The following SPATA9 variants were observed in gnomAD, a reference collection of about 807,000 sequenced individuals.
SPATA9 encodes spermatogenesis-associated protein 9.
Under a neutral mutation model 25.5 loss-of-function variants are expected in SPATA9, and 27 were observed. That is an observed-to-expected ratio of 1.06 (90% CI 0.78 to 1.46). The LOEUF (loss-of-function observed/expected upper bound fraction) is 1.46, where lower values mean the gene tolerates loss of function less well. Among genes scored for constraint, SPATA9 ranks in the 40% most tolerant of loss-of-function variants. The probability of loss-of-function intolerance (pLI) is 0.00; values close to 1 mark genes in which losing one functional copy is unlikely to be tolerated. For missense variants in SPATA9, 282 were observed against 297.5 expected (o/e 0.95, Z 0.38); for synonymous variants, 102 against 105.7 (o/e 0.97, Z 0.21).
the SPATA9 span, among the ~76,000 whole-genome samples, chr5:95,707,674 T>G: frequency 2.0e-5 from 3 of 152,264 alleles, no homozygotes; most frequent in South Asian, 6.2e-4. Context: ...TGCCACAGTA[T>G]CTTATCAGTT....
At chr5:95,691,448 C>T (rs1211667861) in intron 1 of SPATA9, among the ~76,000 whole-genome samples, 4 of 152,072 alleles carry the variant, frequency 2.6e-5, no homozygotes, top group Non-Finnish European at 4.4e-5. Context: ...TGCTGTCTCA[C>T]GGATCTATTT....
chr5:95,703,060 T>C (rs958522168), upstream of SPATA9, among the ~76,000 whole-genome samples: 3 of 152,252 alleles, frequency 2.0e-5, no homozygotes, highest in Admixed American at 2.0e-4. Flanking sequence ...TGAGTATTAT[T>C]TTCTGTTCTT....
intron 3 of SPATA9, among the ~76,000 whole-genome samples, chr5:95,666,275 G>A (rs1751798505): frequency 6.6e-6 from 1 of 152,124 alleles, no homozygotes. Context: ...CGCTGCCTTG[G>A]GATACACTAC....
the SPATA9 span, among the ~76,000 whole-genome samples, chr5:95,710,670 T>C: frequency 1.3e-5 from 2 of 152,186 alleles, no homozygotes; most frequent in African/African-American, 4.8e-5. Flanking sequence ...AAGCAGAGGC[T>C]TCAGTTAATG....
chr5:95,731,328 G>A, the SPATA9 span: 1 of 1,089,620 alleles, frequency 9.2e-7, no homozygotes, highest in Non-Finnish European at 1.1e-6. Flanking sequence ...AGGAGCAGCG[G>A]CAGCGGCAGC....
the SPATA9 span, among the ~76,000 whole-genome samples, chr5:95,729,039 C>T: frequency 6.6e-6 from 1 of 152,208 alleles, no homozygotes; most frequent in Non-Finnish European, 1.5e-5. Context: ...CTGGGAAATG[C>T]CCACCCTTTC....
chr5:95,700,432 T>C (rs1371410143), upstream of SPATA9, among the ~76,000 whole-genome samples: 1 of 152,094 alleles, frequency 6.6e-6, no homozygotes, highest in Non-Finnish European at 1.5e-5. Flanking sequence ...CCAGAGTAGC[T>C]GGGATTACAG....
At chr5:95,720,199 C>A in the SPATA9 span, among the ~76,000 whole-genome samples, 32 of 152,326 alleles carry the variant, frequency 2.1e-4, no homozygotes, top group South Asian at 6.4e-3. Context: ...ACTTGCAAAA[C>A]TGAAGAATGA....
At chr5:95,678,841 CAT>C (rs1227057463) in intron 2 of SPATA9, among the ~76,000 whole-genome samples, 13 of 152,224 alleles carry the variant, frequency 8.5e-5, no homozygotes, top group African/African-American at 2.4e-4. Context: ...TAACTTCAAA[CAT>C]GTGATAATAT....
At chr5:95,706,011 T>C in the SPATA9 span, among the ~76,000 whole-genome samples, 10 of 152,230 alleles carry the variant, frequency 6.6e-5, no homozygotes, top group Admixed American at 5.9e-4. Flanking sequence ...TTACCTATAA[T>C]GTTTTGGGGT....
At chr5:95,691,519 G>A (rs2521994) in intron 1 of SPATA9, among the ~76,000 whole-genome samples, 2 of 151,880 alleles carry the variant, frequency 1.3e-5, no homozygotes, top group African/African-American at 4.8e-5. Context: ...TATGTTTTAC[G>A]TTCTGTTAAG....
At position 95,663,975 on chromosome 5, in the gene SPATA9, G is replaced by A. The variant is rs1450694902; in HGVS notation, c.452C>T (p.Ser151Leu). 10 of 1,580,152 alleles carry A rather than the reference G, an allele frequency of 6.3e-6. No individual in the cohort carries two copies. Among genetic ancestry groups the A allele is most frequent in the East Asian group, 2.3e-5 (1 of 44,334 alleles). ...KTALTSIIYA[S>L]YAALIYLAVC... The stretch of plus-strand genomic sequence containing the variant: ...TACCAAATAAATTAGTGCTGCATAT[G>A]AAGCATATATTATGCTAGTTAAAGC... The change falls in exon 4 of 5, where the codon TCA (serine) becomes TTA (leucine). Residue 151 changes from serine (S) to leucine (L), a missense_variant. Ser to Leu is a moderately radical substitution (Grantham distance 145). Transcript: ENST00000274432.
chr5:95,661,096 A>G (rs1208580063), intron 4 of SPATA9, among the ~76,000 whole-genome samples: 1 of 151,996 alleles, frequency 6.6e-6, no homozygotes, highest in African/African-American at 2.4e-5. Flanking sequence ...TGACATCTTT[A>G]CTACTATATC....
chr5:95,664,208 CTT>C (rs1483155033), intron 3 of SPATA9, among the ~76,000 whole-genome samples, 160 bp from the exon 4 acceptor site: 1 of 151,896 alleles, frequency 6.6e-6, no homozygotes, highest in Non-Finnish European at 1.5e-5. Flanking sequence ...ATTATTTTTC[CTT>C]TTTTAACAAG....
chr5:95,692,899 A>G (rs1039695296), intron 1 of SPATA9, among the ~76,000 whole-genome samples: 1 of 152,208 alleles, frequency 6.6e-6, no homozygotes, highest in Non-Finnish European at 1.5e-5. Context: ...CAAAGGAGAC[A>G]TATTACTCTA....
intron 3 of SPATA9, among the ~76,000 whole-genome samples, chr5:95,668,531 G>C (rs901658938): frequency 6.6e-6 from 1 of 152,054 alleles, no homozygotes; most frequent in Non-Finnish European, 1.5e-5. Flanking sequence ...GGAGAAATTT[G>C]GTAAGTGGCA....
At chr5:95,686,382 T>C (rs535411515), upstream of SPATA9, among the ~76,000 whole-genome samples, 6 of 152,078 alleles carry the variant, frequency 3.9e-5, no homozygotes, top group South Asian at 1.2e-3. Context: ...AAATTATATG[T>C]ACACAAATGA....
At chr5:95,701,143 C>G (rs1319117034), upstream of SPATA9, 1 of 152,238 alleles carries the variant, frequency 6.6e-6, no homozygotes, top group Non-Finnish European at 1.5e-5. Flanking sequence ...CTCTGAAATT[C>G]TACAATTCTA....
the SPATA9 span, chr5:95,713,724 G>A: frequency 1.3e-5 from 2 of 152,050 alleles, no homozygotes; most frequent in East Asian, 3.9e-4. Context: ...AAATTAAGTT[G>A]TTTCTCTCCC....
Sources: gnomAD v4.1 joint callset for allele counts (sites outside exome capture counted in the v4.1 genomes callset) on GRCh38, gnomAD v4.1.1 for gene constraint, MANE v1.5 for transcripts, NCBI Gene and HGNC (gene_info 2026-07-23, HGNC 2026-07-21) for gene names.